The following KAT14 variants were observed in gnomAD, a reference collection of about 807,000 sequenced individuals.
KAT14 encodes the protein cysteine-rich protein 2-binding protein.
A neutral mutation model predicts 78.4 loss-of-function variants in KAT14; 66 were observed. The observed-to-expected ratio is 0.84, with a 90% confidence interval of 0.69 to 1.03. The LOEUF is 1.03. KAT14 is among the 50% of genes least tolerant of loss of function. The probability of loss-of-function intolerance (pLI) is 0.00; values close to 1 mark genes in which losing one functional copy is unlikely to be tolerated. For missense variants in KAT14, 870 were observed against 972.5 expected, an observed-to-expected ratio of 0.89 and a Z score of 1.40; for synonymous variants, 344 against 359.4, an observed-to-expected ratio of 0.96 and a Z score of 0.48.
At chr20:18,159,051 T>C (rs1481113739) in intron 4 of KAT14, 33 bp from the exon 5 acceptor site, 1 of 1,579,300 alleles carries the variant, frequency 6.3e-7, no homozygotes. Context: ...TGAGCAAAAG[T>C]GCCAATCATT....
chr20:18,162,149 G>A lies in KAT14; in HGVS notation c.1009G>A (p.Gly337Ser), dbSNP rs775905109. The A allele has an allele frequency of 6.2e-7, 1 of 1,614,200 alleles. No homozygotes were observed. Among genetic ancestry groups the A allele is most frequent in the Admixed American group, 1.7e-5 (1 of 60,016 alleles). The part of the protein sequence containing the change: ...PSPSLDFSAP[G>S]TPASHSATPS... Reference sequence around the variant, plus strand: ...TCCTTCTCTGGATTTCTCTGCCCCTGGTACACCTGCCTCTCATTCTGCCAC... The same window carrying A: ...TCCTTCTCTGGATTTCTCTGCCCCTAGTACACCTGCCTCTCATTCTGCCAC... The change falls in exon 6 of 11, where the codon GGT becomes AGT. Residue 337 changes from glycine to serine, a missense_variant. Coordinates refer to ENST00000688188, the MANE Select transcript of KAT14 (RefSeq NM_001392073.1).
intron 9 of KAT14, among the ~76,000 whole-genome samples, chr20:18,184,000 C>T (rs1271522423): frequency 2.0e-5 from 3 of 152,214 alleles, no homozygotes; most frequent in African/African-American, 4.8e-5. Context: ...AATGTGGTGG[C>T]AGAGCTGCAC....
At chr20:18,159,288 A>G (rs746927191) in intron 5 of KAT14, 23 bp downstream of exon 5, 9 of 1,608,888 alleles carry the variant, frequency 5.6e-6, no homozygotes, top group Admixed American at 5.1e-5. Flanking sequence ...GAACAGTACA[A>G]AAGTTGCTAG....
intron 7 of KAT14, among the ~76,000 whole-genome samples, chr20:18,174,673 T>TTA (rs1299193658): frequency 6.6e-6 from 1 of 151,722 alleles, no homozygotes; most frequent in African/African-American, 2.4e-5. Flanking sequence ...TTTTTTATTT[T>TTA]TTTTTTTGAG....
At chr20:18,138,130 G>T (rs1176185745) in intron 1 of KAT14, 79 bp downstream of exon 1, 6 of 1,383,084 alleles carry the variant, frequency 4.3e-6, no homozygotes, top group African/African-American at 1.5e-5. Context: ...CTGCCCGCTC[G>T]GTTCCTCAGC....
At chr20:18,159,722 C>T (rs933225153) in intron 5 of KAT14, among the ~76,000 whole-genome samples, 1 of 152,164 alleles carries the variant, frequency 6.6e-6, no homozygotes, top group Non-Finnish European at 1.5e-5. Flanking sequence ...CAGGAATCAA[C>T]ATTTCATTCC....
At chr20:18,153,443 G>A (rs2038118229) in intron 4 of KAT14, among the ~76,000 whole-genome samples, 1 of 152,136 alleles carries the variant, frequency 6.6e-6, no homozygotes, top group Admixed American at 6.5e-5. Flanking sequence ...ATTTATAAGG[G>A]ATAAGAAAGG....
intron 5 of KAT14, 34 bp from the exon 6 acceptor site, chr20:18,161,789 G>A (rs773621169): frequency 3.1e-6 from 5 of 1,589,974 alleles, no homozygotes; most frequent in Admixed American, 1.8e-5. Context: ...TTCAGATGAG[G>A]GATACTCAGC....
At chr20:18,151,229 C>T (rs1315735369) in intron 4 of KAT14, among the ~76,000 whole-genome samples, 1 of 151,706 alleles carries the variant, frequency 6.6e-6, no homozygotes, top group Admixed American at 6.6e-5. Context: ...CAGAGTCTTG[C>T]TCTCTCCCCC....
chr20:18,174,753 T>C (rs576843572), intron 7 of KAT14, among the ~76,000 whole-genome samples: 184 of 151,630 alleles, frequency 1.2e-3, no homozygotes, highest in Non-Finnish European at 2.1e-3. Context: ...AACCTCTGCC[T>C]CCTGGGTTCA....
intron 7 of KAT14, among the ~76,000 whole-genome samples, chr20:18,168,427 C>CT (rs1469845017): frequency 1.3e-5 from 2 of 152,078 alleles, no homozygotes; most frequent in African/African-American, 4.8e-5. Flanking sequence ...GCTTGGGAGG[C>CT]TGAGGCTTGA....
At chr20:18,161,624 T>G (rs979401153) in intron 5 of KAT14, among the ~76,000 whole-genome samples, 199 bp from the exon 6 acceptor site, 2 of 152,150 alleles carry the variant, frequency 1.3e-5, no homozygotes, top group African/African-American at 2.4e-5. Flanking sequence ...AATCTGAAAC[T>G]TTTTCAGCAC....
chr20:18,160,895 C>G (rs1237451415), intron 5 of KAT14, among the ~76,000 whole-genome samples: 1 of 152,126 alleles, frequency 6.6e-6, no homozygotes, highest in African/African-American at 2.4e-5. Context: ...TGTAATAAGG[C>G]CGGGCATGGT....
At chr20:18,170,031 G>A (rs2038791604) in intron 7 of KAT14, among the ~76,000 whole-genome samples, 1 of 152,240 alleles carries the variant, frequency 6.6e-6, no homozygotes, top group South Asian at 2.1e-4. Context: ...GGAGAAGGGA[G>A]GAAGCTACAG....
At chr20:18,177,488 G>A (rs1322596466) in intron 7 of KAT14, among the ~76,000 whole-genome samples, 1 of 152,148 alleles carries the variant, frequency 6.6e-6, no homozygotes, top group Non-Finnish European at 1.5e-5. Flanking sequence ...CGCTTAGTAG[G>A]GATGGAGGAA....
At chr20:18,137,206 A>G (rs2037335426), upstream of KAT14, among the ~76,000 whole-genome samples, 2 of 152,080 alleles carry the variant, frequency 1.3e-5, no homozygotes, top group South Asian at 4.2e-4. Flanking sequence ...AGGCAGGAGA[A>G]TCGCTTGAAT....
rs1469288087 is a variant in KAT14, at chr20:18,137,904, C to T, written c.-601C>T. 6.9e-6 allele frequency: 10 copies of T among 1,449,398 alleles called. No individual in the cohort carries two copies. The South Asian group carries it at 1.2e-4, about 18-fold the overall frequency. The allele number at this position is 1,449,398 out of a possible 1,614,324, so 89.8% of individuals were successfully genotyped here. A position where few individuals can be genotyped will look rare whatever the true frequency, so the allele number is the denominator to read the frequency against. Reference sequence around the variant, plus strand: ...GGCGGCGGTGCGCACTCTGCGGCGGCCTCTGCGCCTCGGGCGGGCGGGAGA... The same window carrying T: ...GGCGGCGGTGCGCACTCTGCGGCGGTCTCTGCGCCTCGGGCGGGCGGGAGA... On this transcript the variant is annotated 5_prime_UTR_variant, in exon 1 of 11. Coordinates refer to ENST00000688188, the MANE Select transcript of KAT14 (RefSeq NM_001392073.1).
At chr20:18,139,140 A>G (rs1266588994) in intron 1 of KAT14, among the ~76,000 whole-genome samples, 4 of 152,198 alleles carry the variant, frequency 2.6e-5, no homozygotes, top group African/African-American at 9.6e-5. Flanking sequence ...GAAGAGAGGA[A>G]GCATGTGATG....
chr20:18,153,917 A>G (rs1415285070), intron 4 of KAT14, among the ~76,000 whole-genome samples: 4 of 152,256 alleles, frequency 2.6e-5, no homozygotes, highest in African/African-American at 9.6e-5. Context: ...CCCATGGCAT[A>G]TAATGGCAAG....
Sources: gnomAD v4.1 joint callset for allele counts (sites outside exome capture counted in the v4.1 genomes callset) on GRCh38, gnomAD v4.1.1 for gene constraint, MANE v1.5 for transcripts, NCBI Gene and HGNC (gene_info 2026-07-23, HGNC 2026-07-21) for gene names.